Variants in NEIL3 observed in about 807,000 individuals in gnomAD.
NEIL3 encodes nei like DNA glycosylase 3, also known as endonuclease 8-like 3.
In NEIL3, 48 loss-of-function variants were observed where a neutral mutation model predicts 57.5. The ratio of observed to expected loss-of-function variants is 0.83; its 90% CI spans 0.66 to 1.06. NEIL3 has a LOEUF of 1.06. Ranked by LOEUF, NEIL3 falls within the 50% of genes least tolerant of loss-of-function variation. The pLI, the probability that NEIL3 is intolerant of heterozygous loss-of-function variation, is 0.00. For synonymous variants in NEIL3, 261 were observed against 253.2 expected, an observed-to-expected ratio of 1.03 and a Z score of -0.29; for missense variants, 717 against 739.1, an observed-to-expected ratio of 0.97 and a Z score of 0.35.
chr4:177,354,474 T>C (rs1037333623), intron 8 of NEIL3, among the ~76,000 whole-genome samples: 1 of 152,208 alleles, frequency 6.6e-6, no homozygotes, highest in African/African-American at 2.4e-5. Flanking sequence ...AGGAGGGGTC[T>C]GAGGTGCCTG....
intron 2 of NEIL3, among the ~76,000 whole-genome samples, chr4:177,332,473 C>G (rs575647623): frequency 6.6e-6 from 1 of 152,252 alleles, no homozygotes; most frequent in South Asian, 2.1e-4. Flanking sequence ...GTTCCTCCCT[C>G]AAGGACAGAT....
chr4:177,345,629 C>T (rs1436070156), intron 6 of NEIL3, among the ~76,000 whole-genome samples: 2 of 151,366 alleles, frequency 1.3e-5, no homozygotes, highest in East Asian at 3.9e-4. Context: ...GATCCACCCG[C>T]CTCGGCCTCC....
chr4:177,311,370 G>A (rs1413027598), intron 1 of NEIL3, among the ~76,000 whole-genome samples: 1 of 152,068 alleles, frequency 6.6e-6, no homozygotes, highest in Non-Finnish European at 1.5e-5. Context: ...GGCTTCCCCA[G>A]GGAAGTAGCA....
chr4:177,321,239 G>A (rs182846469), intron 1 of NEIL3, among the ~76,000 whole-genome samples: 1 of 152,016 alleles, frequency 6.6e-6, no homozygotes, highest in Non-Finnish European at 1.5e-5. Context: ...GCCCACCAAG[G>A]TTTCGTTCAG....
Position 177,341,559 on chromosome 4 carries a change from T to A in NEIL3, c.786T>A (p.Thr262=). The change falls in exon 6 of 10, where the codon ACT becomes ACA. Residue 262 remains threonine (T), a synonymous_variant. Coordinates refer to ENST00000264596, the MANE Select transcript of NEIL3 (RefSeq NM_018248.3). ...PNCGQCHCRI[T]VCRFGDNNRM... is the part of the protein sequence containing the mutation. ...GTGGTCAGTGCCACTGCAGAATAAC[T>A]GTGTGCCGCTTTGGGGACAATAACA... 1 of 1,613,808 alleles carries A rather than the reference T, an allele frequency of 6.2e-7. No homozygotes were observed.
chr4:177,320,995 C>G (rs1245415933), intron 1 of NEIL3, among the ~76,000 whole-genome samples: 2 of 148,506 alleles, frequency 1.3e-5, no homozygotes, highest in African/African-American at 5.0e-5. Flanking sequence ...TGTTATCTCT[C>G]TTTGAGCTAA....
intron 1 of NEIL3, among the ~76,000 whole-genome samples, chr4:177,317,960 G>A (rs1468078520): frequency 6.6e-6 from 1 of 152,096 alleles, no homozygotes; most frequent in East Asian, 1.9e-4. Flanking sequence ...TCTGCTCCAG[G>A]ATAACCTTTG....
At chr4:177,316,113 A>G (rs1734569499) in intron 1 of NEIL3, among the ~76,000 whole-genome samples, 1 of 152,212 alleles carries the variant, frequency 6.6e-6, no homozygotes, top group Non-Finnish European at 1.5e-5. Context: ...TAATAGCAAT[A>G]ACTAATAATA....
chr4:177,348,330 T>C (rs1735269080), intron 6 of NEIL3, among the ~76,000 whole-genome samples: 1 of 152,076 alleles, frequency 6.6e-6, no homozygotes, highest in Non-Finnish European at 1.5e-5. Flanking sequence ...GTTCCCCCCC[T>C]CTACCAGGTT....
rs1211356224 is a variant in NEIL3, at chr4:177,362,718, A to C, written c.*247A>C. 3.2e-6 allele frequency: 1 copy of C among 311,652 alleles called. No individual in the cohort carries two copies. The highest frequency in any genetic ancestry group is 5.9e-6 in the Non-Finnish European group (1 of 170,624). 19.3% of individuals were successfully genotyped at this position (311,652 alleles called of 1,614,324 possible). ...CATATTCCATTTAGGATGTGTATTTAATGCATTTAGTAATGACGATAAAGT... is the reference window on the plus strand; with the variant it reads ...CATATTCCATTTAGGATGTGTATTTCATGCATTTAGTAATGACGATAAAGT... On this transcript the variant is annotated 3_prime_UTR_variant, in exon 10 of 10. Coordinates refer to ENST00000264596, the MANE Select transcript of NEIL3 (RefSeq NM_018248.3).
intron 1 of NEIL3, 57 bp downstream of exon 1, chr4:177,310,166 C>T (rs1734450337): frequency 2.1e-6 from 3 of 1,447,628 alleles, no homozygotes; most frequent in African/African-American, 1.5e-5. Flanking sequence ...GAATAAAGAC[C>T]CCATCAGGGT....
At chr4:177,341,360 A>T in intron 5 of NEIL3, 116 bp from the exon 6 acceptor site, 1 of 745,120 alleles carries the variant, frequency 1.3e-6, no homozygotes, top group Non-Finnish European at 2.1e-6. Context: ...ATATGTACAA[A>T]CATATGTAAA....
chr4:177,351,751 T>C (rs543464725), intron 7 of NEIL3, among the ~76,000 whole-genome samples: 53 of 152,282 alleles, frequency 3.5e-4, no homozygotes, highest in Non-Finnish European at 2.9e-5. Context: ...AGGGAAAGCA[T>C]GTTTGTGCTA....
At chr4:177,366,596 G>A (rs372023944), downstream of NEIL3, among the ~76,000 whole-genome samples, 17 of 152,066 alleles carry the variant, frequency 1.1e-4, no homozygotes, top group East Asian at 3.9e-4. Flanking sequence ...ACAGGCTGTC[G>A]TCATGTTGGC....
intron 6 of NEIL3, among the ~76,000 whole-genome samples, chr4:177,348,228 T>C (rs1468857368): frequency 6.6e-6 from 1 of 152,202 alleles, no homozygotes; most frequent in Non-Finnish European, 1.5e-5. Flanking sequence ...AGAATCTGCA[T>C]GTCTAACACG....
chr4:177,361,132 A>C (rs1579011247), intron 9 of NEIL3, among the ~76,000 whole-genome samples: 2 of 151,960 alleles, frequency 1.3e-5, no homozygotes, highest in Admixed American at 1.3e-4. Flanking sequence ...ATCCTACTTA[A>C]CCACACTTGA....
chr4:177,333,060 T>C (rs1734912058), intron 2 of NEIL3, among the ~76,000 whole-genome samples: 1 of 152,098 alleles, frequency 6.6e-6, no homozygotes, highest in Non-Finnish European at 1.5e-5. Context: ...AACCATATCT[T>C]TTTACATTCT....
chr4:177,312,591 G>T (rs12648231), intron 1 of NEIL3, among the ~76,000 whole-genome samples: 26,093 of 151,964 alleles, frequency 0.17, 4,536 homozygotes, highest in African/African-American at 0.44. Context: ...ATACAAATGC[G>T]TCAGTAATGG....
intron 2 of NEIL3, among the ~76,000 whole-genome samples, chr4:177,333,628 C>G (rs1254866716): frequency 3.9e-5 from 6 of 152,194 alleles, no homozygotes; most frequent in Admixed American, 1.3e-4. Context: ...TTTCTTCACT[C>G]TGCTCCTCAC....
Sources: gnomAD v4.1 joint callset for allele counts (sites outside exome capture counted in the v4.1 genomes callset) on GRCh38, gnomAD v4.1.1 for gene constraint, MANE v1.5 for transcripts, NCBI Gene and HGNC (gene_info 2026-07-23, HGNC 2026-07-21) for gene names.